The following AKAP7 variants were observed in gnomAD, a reference collection of about 807,000 sequenced individuals.
AKAP7 encodes the protein A-kinase anchoring protein 7, also known as A kinase (PRKA) anchor protein 7.
In AKAP7, 39 loss-of-function variants were observed where a neutral mutation model predicts 39.5. The ratio of observed to expected loss-of-function variants is 0.99; its 90% CI spans 0.76 to 1.29. AKAP7 has a LOEUF of 1.29. Ranked by LOEUF, AKAP7 falls within the 50% of genes most tolerant of loss-of-function variation. AKAP7 has a pLI of 0.00. For synonymous variants in AKAP7, 140 were observed against 139.1 expected (o/e 1.01, Z -0.05); for missense variants, 414 against 407.7 (o/e 1.02, Z -0.13).
intron 2 of AKAP7, 47 bp from the exon 3 acceptor site, chr6:131,160,012 T>A (rs1426477411): frequency 4.1e-6 from 6 of 1,472,968 alleles, no homozygotes; most frequent in Non-Finnish European, 5.5e-6. Context: ...GACTGTATTA[T>A]CTTTGTTTAA....
rs958123162 is a variant in AKAP7 at position 131,275,490 on chromosome 6, A to T, written c.851-6040A>T. 1.2e-3 allele frequency among the ~76,000 whole-genome samples: 177 copies of T among 152,236 alleles called. 1 individual carries two copies. The highest frequency in any genetic ancestry group is 2.4e-4 in the Non-Finnish European group (16 of 68,036). On this transcript the variant is annotated intron_variant, in intron 7 of 7. Coordinates refer to ENST00000431975, the MANE Select transcript of AKAP7 (RefSeq NM_016377.4). Reference sequence around the variant, plus strand: ...AGATTTCCAGTAAGAAATGACAGCTATCTGCAGAAATTGTATAGGCAGCAA... The same window carrying T: ...AGATTTCCAGTAAGAAATGACAGCTTTCTGCAGAAATTGTATAGGCAGCAA...
chr6:131,156,932 G>A (rs926937624), intron 2 of AKAP7, among the ~76,000 whole-genome samples: 4 of 151,534 alleles, frequency 2.6e-5, no homozygotes. Flanking sequence ...TCGCCACCAC[G>A]CCTGGCTAAT....
At chr6:131,238,446 G>C (rs552255919) in intron 7 of AKAP7, among the ~76,000 whole-genome samples, 1 of 152,010 alleles carries the variant, frequency 6.6e-6, no homozygotes, top group Non-Finnish European at 1.5e-5. Flanking sequence ...GCTGAGTTCA[G>C]TTCCTGGATA....
intron 5 of AKAP7, among the ~76,000 whole-genome samples, chr6:131,171,710 A>G (rs1040442679): frequency 6.6e-6 from 1 of 152,190 alleles, no homozygotes; most frequent in African/African-American, 2.4e-5. Context: ...CTAATCTGTG[A>G]TCTTCTCAAG....
At chr6:131,275,915 C>T (rs1482413622) in intron 7 of AKAP7, among the ~76,000 whole-genome samples, 1 of 152,204 alleles carries the variant, frequency 6.6e-6, no homozygotes, top group African/African-American at 2.4e-5. Context: ...AATCACCACC[C>T]CTGCCCACTC....
chr6:131,162,265 G>A (rs1255682065), intron 3 of AKAP7, among the ~76,000 whole-genome samples: 1 of 152,204 alleles, frequency 6.6e-6, no homozygotes, highest in Non-Finnish European at 1.5e-5. Context: ...CATCACAAAG[G>A]TGAAGGGAGA....
At chr6:131,207,804 T>G (rs1315653082) in intron 6 of AKAP7, among the ~76,000 whole-genome samples, 1 of 152,124 alleles carries the variant, frequency 6.6e-6, no homozygotes, top group Non-Finnish European at 1.5e-5. Flanking sequence ...CAGAGAAGCC[T>G]GGAGACTACC....
At chr6:131,192,986 T>G (rs1271357471) in intron 5 of AKAP7, among the ~76,000 whole-genome samples, 4 of 152,114 alleles carry the variant, frequency 2.6e-5, no homozygotes, top group Non-Finnish European at 4.4e-5. Context: ...TTTGGTGGAG[T>G]CTTTGGGTTT....
At chr6:131,222,399 C>T (rs1014237130) in intron 7 of AKAP7, among the ~76,000 whole-genome samples, 8 of 151,950 alleles carry the variant, frequency 5.3e-5, no homozygotes, top group Non-Finnish European at 1.0e-4. Flanking sequence ...TGGTGGCGGG[C>T]GCCTGTAGTC....
At chr6:131,164,358 G>A in intron 3 of AKAP7, 1 of 455,058 alleles carries the variant, frequency 2.2e-6, no homozygotes, top group South Asian at 1.6e-5. Context: ...CTAACTGGAA[G>A]TGGAGGAGGG....
intron 6 of AKAP7, among the ~76,000 whole-genome samples, chr6:131,211,476 T>G (rs1042261889): frequency 4.6e-5 from 7 of 152,064 alleles, no homozygotes; most frequent in African/African-American, 1.7e-4. Flanking sequence ...AGGAAATTTA[T>G]GTAATCCAGA....
chr6:131,167,333 A>T (rs1237935590), intron 4 of AKAP7, among the ~76,000 whole-genome samples: 1 of 152,178 alleles, frequency 6.6e-6, no homozygotes, highest in Non-Finnish European at 1.5e-5. Context: ...AACTGGAAAA[A>T]TGGACCGAAT....
intron 1 of AKAP7, among the ~76,000 whole-genome samples, chr6:131,144,061 A>G (rs1398193622): frequency 7.3e-6 from 1 of 137,584 alleles, no homozygotes; most frequent in African/African-American, 2.8e-5. Context: ...CATGTTTCAG[A>G]GAGCACAGGG....
At position 131,232,078 on chromosome 6, in the gene AKAP7, A is replaced by G. The variant is rs147148437; in HGVS notation, c.850+12270A>G. On this transcript the variant is annotated intron_variant, in intron 7 of 7. Coordinates refer to ENST00000431975, the MANE Select transcript of AKAP7 (RefSeq NM_016377.4). ...CAGCTGTTAATCCGGATGCTAACAC[A>G]AAGGGGCAGCTGTGGCTCAGGCTAT... 6.2e-3 allele frequency among the ~76,000 whole-genome samples: 948 copies of G among 152,280 alleles called. 11 individuals are homozygous for G. The highest frequency in any genetic ancestry group is 0.021 in the African/African-American group (886 of 41,558).
intron 7 of AKAP7, among the ~76,000 whole-genome samples, chr6:131,255,105 T>G (rs1282226141): frequency 6.6e-6 from 1 of 152,204 alleles, no homozygotes; most frequent in African/African-American, 2.4e-5. Flanking sequence ...TATACTTTGC[T>G]CTTCTCATTT....
At chr6:131,219,606 G>T in intron 6 of AKAP7, 55 bp from the exon 7 acceptor site, 1 of 1,501,814 alleles carries the variant, frequency 6.7e-7, no homozygotes, top group Admixed American at 2.0e-5. Context: ...ATGTAGTTAT[G>T]AACTGGCTGC....
At chr6:131,225,953 GTATAATTCAAATTAC>G (rs1229632852) in intron 7 of AKAP7, among the ~76,000 whole-genome samples, 1 of 152,100 alleles carries the variant, frequency 6.6e-6, no homozygotes, top group Non-Finnish European at 1.5e-5. Flanking sequence ...GTTTGTTTTT[GTATAATTCAAATTAC>G]TTGCCAATAC....
chr6:131,148,841 G>A (rs532728383), intron 2 of AKAP7, among the ~76,000 whole-genome samples: 34 of 152,212 alleles, frequency 2.2e-4, no homozygotes, highest in Admixed American at 1.6e-3. Context: ...GACTGAATTT[G>A]GCTTTCTTGT....
At chr6:131,154,699 T>TAATTCTTAATGTCATCAAATAGCAAGACA (rs1319868287) in intron 2 of AKAP7, among the ~76,000 whole-genome samples, 1 of 152,124 alleles carries the variant, frequency 6.6e-6, no homozygotes, top group Non-Finnish European at 1.5e-5. Context: ...AAAATACTGG[T>TAATTCTTAATGTCATCAAATAGCAAGACA]AATTCTTAAT....
Sources: gnomAD v4.1 joint callset for allele counts (sites outside exome capture counted in the v4.1 genomes callset) on GRCh38, gnomAD v4.1.1 for gene constraint, MANE v1.5 for transcripts, NCBI Gene and HGNC (gene_info 2026-07-23, HGNC 2026-07-21) for gene names.